The following ABTB3 variants were observed in gnomAD, a reference collection of about 807,000 sequenced individuals.
ABTB3 encodes ankyrin repeat and BTB domain containing 3, also known as ankyrin repeat- and BTB/POZ domain-containing protein 3.
At chr12:107,321,238 G>A in the ABTB3 span, among the ~76,000 whole-genome samples, 1 of 152,184 alleles carries the variant, frequency 6.6e-6, no homozygotes. Flanking sequence ...TCTGTTTCCC[G>A]GGGGCTGGAG....
chr12:107,469,959 T>TC, the ABTB3 span, among the ~76,000 whole-genome samples: 6 of 68,110 alleles, frequency 8.8e-5, 1 homozygote, highest in Non-Finnish European at 1.3e-4. Flanking sequence ...TTTCTTTCTT[T>TC]CTTTCTTTCT....
At chr12:107,494,966 G>A in the ABTB3 span, among the ~76,000 whole-genome samples, 1 of 152,218 alleles carries the variant, frequency 6.6e-6, no homozygotes, top group African/African-American at 2.4e-5. Context: ...GACTGTGGGG[G>A]ATGCAGGTGA....
the ABTB3 span, among the ~76,000 whole-genome samples, chr12:107,398,119 C>T: frequency 6.6e-6 from 1 of 152,128 alleles, no homozygotes; most frequent in African/African-American, 2.4e-5. Flanking sequence ...ACAGACCTTT[C>T]CATTACACAG....
At chr12:107,649,155 T>G in the ABTB3 span, 13 of 1,521,592 alleles carry the variant, frequency 8.5e-6, no homozygotes, top group South Asian at 2.3e-5. Context: ...CCGAATGGCT[T>G]TGAGATGATG....
At chr12:107,500,958 G>A in the ABTB3 span, among the ~76,000 whole-genome samples, 1 of 152,190 alleles carries the variant, frequency 6.6e-6, no homozygotes, top group South Asian at 2.1e-4. Context: ...TTTCTCTGCA[G>A]CGCAAATTCT....
chr12:107,603,227 A>G, the ABTB3 span, among the ~76,000 whole-genome samples: 1 of 152,246 alleles, frequency 6.6e-6, no homozygotes, highest in East Asian at 1.9e-4. Context: ...ATTTACAGAT[A>G]TGCTACAGGA....
the ABTB3 span, among the ~76,000 whole-genome samples, chr12:107,376,005 G>A: frequency 5.3e-5 from 8 of 151,982 alleles, no homozygotes; most frequent in Admixed American, 2.0e-4. Context: ...GGCCCTTTTT[G>A]CTATTCCTTG....
At chr12:107,457,034 A>AT in the ABTB3 span, among the ~76,000 whole-genome samples, 17 of 151,966 alleles carry the variant, frequency 1.1e-4, no homozygotes, top group Non-Finnish European at 2.2e-4. Flanking sequence ...TAATTTTTGC[A>AT]TTTTTTAAGT....
At chr12:107,400,747 G>A in the ABTB3 span, among the ~76,000 whole-genome samples, 40 of 152,092 alleles carry the variant, frequency 2.6e-4, 2 homozygotes, top group African/African-American at 8.7e-4. Flanking sequence ...ACACCCCCCC[G>A]CAAGAGTGCT....
At chr12:107,639,750 G>C in the ABTB3 span, among the ~76,000 whole-genome samples, 1 of 152,226 alleles carries the variant, frequency 6.6e-6, no homozygotes, top group Admixed American at 6.5e-5. Context: ...ACAAGTCACT[G>C]TAAATTCTGT....
At chr12:107,451,334 G>A in the ABTB3 span, among the ~76,000 whole-genome samples, 1 of 152,192 alleles carries the variant, frequency 6.6e-6, no homozygotes, top group African/African-American at 2.4e-5. Flanking sequence ...AGGTGAATCT[G>A]TATGGAGAAT....
chr12:107,360,930 AT>A, the ABTB3 span, among the ~76,000 whole-genome samples: 53 of 84,452 alleles, frequency 6.3e-4, 1 homozygote, highest in Non-Finnish European at 8.3e-4. Context: ...ATTTAATTTA[AT>A]TTTTTTTTTT....
chr12:107,421,026 G>C, the ABTB3 span, among the ~76,000 whole-genome samples: 1 of 152,126 alleles, frequency 6.6e-6, no homozygotes, highest in Non-Finnish European at 1.5e-5. Context: ...GAGTAGAGAG[G>C]TTTCAGTAGA....
the ABTB3 span, among the ~76,000 whole-genome samples, chr12:107,463,470 C>T: frequency 2.6e-5 from 4 of 152,178 alleles, no homozygotes; most frequent in Admixed American, 2.6e-4. Flanking sequence ...TTCACCCTTA[C>T]AAACTCCCTA....
At chr12:107,331,703 C>T in the ABTB3 span, among the ~76,000 whole-genome samples, 2 of 152,180 alleles carry the variant, frequency 1.3e-5, no homozygotes, top group East Asian at 1.9e-4. Flanking sequence ...AGGCAGAGGG[C>T]GGAGAGCAGG....
At chr12:107,610,422 A>T in the ABTB3 span, 1 of 1,578,686 alleles carries the variant, frequency 6.3e-7, no homozygotes. Flanking sequence ...GGCAAGACAG[A>T]GACAGCCGGT....
chr12:107,594,252 C>G, the ABTB3 span, among the ~76,000 whole-genome samples: 1 of 152,210 alleles, frequency 6.6e-6, no homozygotes, highest in Admixed American at 6.5e-5. Context: ...TTTCATTCTC[C>G]TGGGTGTTTG....
the ABTB3 span, among the ~76,000 whole-genome samples, chr12:107,401,947 C>T: frequency 7.0e-6 from 1 of 142,220 alleles, no homozygotes; most frequent in East Asian, 2.0e-4. Flanking sequence ...CTTCTCCTGC[C>T]TTGCTTCCCT....
chr12:107,461,394 T>C, the ABTB3 span, among the ~76,000 whole-genome samples: 1 of 151,832 alleles, frequency 6.6e-6, no homozygotes, highest in African/African-American at 2.4e-5. Flanking sequence ...GGCCACGTGA[T>C]GACAGAGGCA....
Sources: allele counts gnomAD v4.1 joint callset (sites outside exome capture counted in the v4.1 genomes callset), GRCh38; gene constraint gnomAD v4.1.1; transcripts MANE v1.5; gene names NCBI Gene and HGNC (gene_info 2026-07-23, HGNC 2026-07-21).